The following MARCHF3 variants were observed in gnomAD, a reference collection of about 807,000 sequenced individuals.
MARCHF3 encodes membrane associated ring-CH-type finger 3, also known as E3 ubiquitin-protein ligase MARCHF3.
Under a neutral mutation model 24.2 loss-of-function variants are expected in MARCHF3, and 13 were observed. The observed-to-expected ratio is 0.54, with a 90% confidence interval of 0.35 to 0.85. The LOEUF is 0.85. Ranked by LOEUF, MARCHF3 falls within the 40% of genes least tolerant of loss-of-function variation. The pLI is 0.01. For synonymous variants in MARCHF3, 144 were observed against 137.3 expected, an observed-to-expected ratio of 1.05 and a Z score of -0.34; for missense variants, 276 against 325.0, an observed-to-expected ratio of 0.85 and a Z score of 1.16.
intron 1 of MARCHF3, among the ~76,000 whole-genome samples, chr5:126,937,574 T>C (rs906002188): frequency 4.6e-5 from 7 of 152,200 alleles, no homozygotes; most frequent in Admixed American, 4.6e-4. Flanking sequence ...TCACCTGTTT[T>C]ATAAATGAGG....
intron 1 of MARCHF3, among the ~76,000 whole-genome samples, chr5:127,003,653 G>A (rs1752212335): frequency 6.6e-6 from 1 of 152,070 alleles, no homozygotes; most frequent in Non-Finnish European, 1.5e-5. Context: ...GGGAGGCTGA[G>A]GCAAGAGAAT....
intron 4 of MARCHF3, among the ~76,000 whole-genome samples, chr5:126,877,309 T>C (rs1327158889): frequency 6.6e-6 from 1 of 152,104 alleles, no homozygotes; most frequent in African/African-American, 2.4e-5. Flanking sequence ...AGGAAATACA[T>C]ATTGAATAAC....
rs975443831 is a variant in MARCHF3, at chr5:127,000,639, T to C, written c.-57+29711A>G. 4.6e-5 allele frequency among the ~76,000 whole-genome samples: 7 copies of C among 152,340 alleles called. 1 individual carries two copies. The South Asian group carries it at 1.4e-3, about 32-fold the overall frequency. On this transcript the variant is annotated intron_variant, in intron 1 of 4. Coordinates refer to ENST00000308660, the MANE Select transcript of MARCHF3 (RefSeq NM_178450.5). ...CAGAATGAAAGGAACTGCAACTGCC[T>C]TTGAGCAAAGGTGGTGATCATTCAT...
chr5:126,988,350 A>T (rs1296733191), intron 1 of MARCHF3, among the ~76,000 whole-genome samples: 1 of 152,256 alleles, frequency 6.6e-6, no homozygotes, highest in Non-Finnish European at 1.5e-5. Flanking sequence ...CCATCTGTGA[A>T]GAAAAATAAA....
At chr5:126,972,757 T>TAAAGA (rs1751060231) in intron 1 of MARCHF3, among the ~76,000 whole-genome samples, 7 of 152,194 alleles carry the variant, frequency 4.6e-5, no homozygotes, top group Admixed American at 4.6e-4. Flanking sequence ...CACTGGCCTC[T>TAAAGA]TGTTTGAAGG....
In MARCHF3 at chr5:126,906,498, T is replaced by C. The variant is rs374135163; in HGVS notation, c.393+8432A>G. ...TGATTATTGCCACAATTTCAGCTCC[T>C]GTCATTTGTCTATGCAGAGATTCAA... On this transcript the variant is annotated intron_variant, in intron 3 of 4. Coordinates refer to ENST00000308660, the MANE Select transcript of MARCHF3 (RefSeq NM_178450.5). Among the ~76,000 whole-genome samples the C allele has an allele frequency of 1.6e-4, 25 of 152,382 alleles. No homozygotes were observed. In the East Asian group the frequency reaches 4.8e-3, roughly 29 times the overall value.
At chr5:126,990,933 C>T (rs1010700084) in intron 1 of MARCHF3, among the ~76,000 whole-genome samples, 3 of 152,166 alleles carry the variant, frequency 2.0e-5, no homozygotes, top group Non-Finnish European at 4.4e-5. Flanking sequence ...AATAGGAACA[C>T]TTTTACACTG....
intron 1 of MARCHF3, among the ~76,000 whole-genome samples, chr5:126,975,488 T>G (rs1751161717): frequency 6.6e-6 from 1 of 152,234 alleles, no homozygotes; most frequent in Non-Finnish European, 1.5e-5. Flanking sequence ...AGTAAAAACA[T>G]TCAAAATCCT....
chr5:126,936,980 G>A (rs954320365), intron 1 of MARCHF3, among the ~76,000 whole-genome samples: 3 of 152,240 alleles, frequency 2.0e-5, no homozygotes, highest in South Asian at 2.1e-4. Flanking sequence ...TCTTTGCCAC[G>A]CTGCAGACTG....
In MARCHF3 at chr5:126,900,890, C is replaced by G. The variant is rs373695720; in HGVS notation, c.393+14040G>C. Among the ~76,000 whole-genome samples, 5 of 151,952 alleles carry G rather than the reference C, an allele frequency of 3.3e-5. No homozygotes were observed. The East Asian group carries it at 9.7e-4, about 29-fold the overall frequency. ...CTAATTTTTGTGTTTTCAGTAGAGA[C>G]AGGGTTTCACCATGTTGGTCAGGCT... On this transcript the variant is annotated intron_variant, in intron 3 of 4. Coordinates refer to ENST00000308660, the MANE Select transcript of MARCHF3 (RefSeq NM_178450.5).
At chr5:126,890,438 TC>T (rs1273990309) in intron 3 of MARCHF3, among the ~76,000 whole-genome samples, 11 of 65,770 alleles carry the variant, frequency 1.7e-4, no homozygotes, top group African/African-American at 6.9e-4. Context: ...CCCTCCCCCC[TC>T]CCCCCACCCC....
At chr5:126,902,198 C>T (rs952483660) in intron 3 of MARCHF3, among the ~76,000 whole-genome samples, 8 of 152,112 alleles carry the variant, frequency 5.3e-5, no homozygotes, top group African/African-American at 9.7e-5. Context: ...GTGAAGACCA[C>T]GGTTTTCTCC....
chr5:126,893,281 C>G (rs1314452527), intron 3 of MARCHF3, among the ~76,000 whole-genome samples: 4 of 151,556 alleles, frequency 2.6e-5, no homozygotes, highest in Non-Finnish European at 4.4e-5. Context: ...TTTTGTGTCT[C>G]TATTTCCTTC....
chr5:126,893,112 A>G (rs1327284847), intron 3 of MARCHF3, among the ~76,000 whole-genome samples: 1 of 151,816 alleles, frequency 6.6e-6, no homozygotes, highest in Non-Finnish European at 1.5e-5. Flanking sequence ...GGTAGTTTGT[A>G]TTTCTGTGGG....
intron 1 of MARCHF3, among the ~76,000 whole-genome samples, chr5:126,959,126 AG>A (rs988678039): frequency 1.2e-4 from 18 of 152,182 alleles, no homozygotes; most frequent in African/African-American, 4.1e-4. Context: ...CAAAGGCTAT[AG>A]TATGGAAAGG....
chr5:126,975,325 A>G (rs1188770506), intron 1 of MARCHF3, among the ~76,000 whole-genome samples: 1 of 152,196 alleles, frequency 6.6e-6, no homozygotes, highest in Non-Finnish European at 1.5e-5. Context: ...ATATAGTTGA[A>G]AAAAATTTTT....
chr5:126,948,199 A>T (rs1318748435), intron 1 of MARCHF3, among the ~76,000 whole-genome samples: 2 of 152,130 alleles, frequency 1.3e-5, no homozygotes, highest in African/African-American at 4.8e-5. Flanking sequence ...TTTCTTAATC[A>T]GTCTGCTAAG....
intron 1 of MARCHF3, among the ~76,000 whole-genome samples, chr5:127,005,140 T>TTC (rs199924471): frequency 8.8e-5 from 13 of 147,210 alleles, no homozygotes; most frequent in African/African-American, 2.6e-4. Flanking sequence ...AGTCTTTTTT[T>TTC]TTTTTTTTTT....
rs1293485321 is a variant in MARCHF3 at position 126,870,806 on chromosome 5, G to A, written c.604-15C>T. 6.2e-7 allele frequency: 1 copy of A among 1,612,146 alleles called. No individual in the cohort carries two copies. The highest frequency in any genetic ancestry group is 1.7e-5 in the Admixed American group (1 of 59,874). On this transcript the variant is annotated splice_polypyrimidine_tract_variant and intron_variant, in intron 4 of 4. Transcript: ENST00000308660. Reference sequence around the variant, plus strand: ...CTAAATGACACCTGGGGATGGGAGAGGAAAAGTAAGAGAAAAGAATTCAGG... The same window carrying A: ...CTAAATGACACCTGGGGATGGGAGAAGAAAAGTAAGAGAAAAGAATTCAGG...
Sources: allele counts gnomAD v4.1 joint callset (sites outside exome capture counted in the v4.1 genomes callset), GRCh38; gene constraint gnomAD v4.1.1; transcripts MANE v1.5; gene names NCBI Gene and HGNC (gene_info 2026-07-23, HGNC 2026-07-21).